P2RX6: variants seen among roughly 807,000 people sequenced by gnomAD.
P2RX6 encodes purinergic receptor P2X 6, also known as P2X purinoceptor 6.
A neutral mutation model predicts 54.2 loss-of-function variants in P2RX6; 62 were observed. That is an observed-to-expected ratio of 1.14 (90% CI 0.93 to 1.41). The LOEUF (loss-of-function observed/expected upper bound fraction) is 1.41. Ranked by LOEUF, P2RX6 falls within the 40% of genes most tolerant of loss-of-function variation. The pLI is 0.00. For synonymous variants in P2RX6, 211 were observed against 231.9 expected (o/e 0.91, Z 0.82); for missense variants, 541 against 566.3 (o/e 0.96, Z 0.45).
At chr22:21,016,182 G>A in intron 2 of P2RX6, 90 bp downstream of exon 2, 2 of 1,327,978 alleles carry the variant, frequency 1.5e-6, no homozygotes, top group African/African-American at 1.5e-5. Flanking sequence ...GTGCGAGAGA[G>A]AAGCATGTGA....
At position 21,023,506 on chromosome 22, in the gene P2RX6, C is replaced by G; in HGVS notation, c.781-3C>G. ...CGGTGGAAAAGCTATGTGCTATGTG[C>G]AGGGTGGCTCTGTAGGCATCAGAGT... is the stretch of plus-strand genomic sequence containing the variant. On this transcript the variant is annotated splice_polypyrimidine_tract_variant and splice_region_variant and intron_variant, in intron 7 of 11. Coordinates refer to ENST00000413302, the MANE Select transcript of P2RX6 (RefSeq NM_005446.5). 1.2e-6 allele frequency: 2 copies of G among 1,613,596 alleles called. No individual in the cohort carries two copies. Among genetic ancestry groups the G allele is most frequent in the Non-Finnish European group, 1.7e-6 (2 of 1,179,596 alleles).
rs954767449 is a variant in P2RX6 at position 21,027,265 on chromosome 22, T to A, written c.*648T>A. ...GTGTCTTGGGCCCACACCTGCTTAG[T>A]TTATGAGGACCGGCTGCTTTCCAGT... is the stretch of plus-strand genomic sequence containing the variant. On this transcript the variant is annotated 3_prime_UTR_variant, in exon 12 of 12. Coordinates refer to ENST00000413302, the MANE Select transcript of P2RX6 (RefSeq NM_005446.5). 1 of 152,770 alleles carries A rather than the reference T, an allele frequency of 6.5e-6. No homozygotes were observed. Among genetic ancestry groups the A allele is most frequent in the African/African-American group, 2.4e-5 (1 of 41,434 alleles). 9.5% of individuals were successfully genotyped at this position (152,770 alleles called of 1,614,324 possible). A position where few individuals can be genotyped will look rare whatever the true frequency, so the allele number is the denominator to read the frequency against.
chr22:21,022,708 C>T lies in P2RX6; in HGVS notation c.420C>T (p.Val140=), dbSNP rs572865965. The T allele has an allele frequency of 1.9e-4, 304 of 1,576,618 alleles. No individual in the cohort carries two copies. Among genetic ancestry groups the T allele is most frequent in the Non-Finnish European group, 2.4e-4 (275 of 1,162,684 alleles). Residue 140 remains valine (V), a synonymous_variant, in exon 4 of 12, where the codon GTC becomes GTT. Transcript: ENST00000413302. Reference sequence around the variant, plus strand: ...CCGTCCCACTGGCTAACTGCTGGGTCGACGAGGACTGCCCCGAAGGGGAGG... The same window carrying T: ...CCGTCCCACTGGCTAACTGCTGGGTTGACGAGGACTGCCCCGAAGGGGAGG... ...HPSVPLANCW[V]DEDCPEGEGG... is the part of the protein sequence containing the mutation.
chr22:21,022,543 G>A, intron 3 of P2RX6, 133 bp from the exon 4 acceptor site: 1 of 596,566 alleles, frequency 1.7e-6, no homozygotes. Flanking sequence ...TACTCTGGCG[G>A]CGGGGTGGTG....
At chr22:21,021,315 C>T (rs1296272642) in intron 3 of P2RX6, among the ~76,000 whole-genome samples, 3 of 152,070 alleles carry the variant, frequency 2.0e-5, no homozygotes, top group African/African-American at 4.8e-5. Flanking sequence ...GAGAGCCACA[C>T]GTGGGCTCAG....
chr22:21,011,906 C>G (rs893826794), upstream of P2RX6, among the ~76,000 whole-genome samples: 1 of 152,170 alleles, frequency 6.6e-6, no homozygotes, highest in Non-Finnish European at 1.5e-5. Flanking sequence ...TATCACCACC[C>G]ACTTCAGAAG....
At position 21,024,491 on chromosome 22, in the gene P2RX6, T is replaced by C. The variant is rs140431668; in HGVS notation, c.890+873T>C. On this transcript the variant is annotated intron_variant, in intron 8 of 11. Coordinates refer to ENST00000413302, the MANE Select transcript of P2RX6 (RefSeq NM_005446.5). ...CAGGGTTTCACCATGTTGGCCAGGATGGTCTCGATCTCTTGACCTCGTGAT... is the reference window on the plus strand; with the variant it reads ...CAGGGTTTCACCATGTTGGCCAGGACGGTCTCGATCTCTTGACCTCGTGAT... Among the ~76,000 whole-genome samples, 1,272 of 152,144 alleles carry C rather than the reference T, an allele frequency of 8.4e-3. 15 individuals are homozygous for C. The highest frequency in any genetic ancestry group is 0.029 in the African/African-American group (1,189 of 41,498).
chr22:21,024,790 C>T (rs574891125), intron 8 of P2RX6, among the ~76,000 whole-genome samples: 50 of 150,778 alleles, frequency 3.3e-4, no homozygotes, highest in African/African-American at 1.0e-3. Context: ...AGGCTGGTCT[C>T]GAACTTCTGA....
Position 21,026,434 on chromosome 22 carries a change from A to C in P2RX6, c.1143A>C (p.Lys381Asn), listed in dbSNP as rs1928473857. The C allele has an allele frequency of 6.2e-7, 1 of 1,601,672 alleles. No homozygotes were observed. Among genetic ancestry groups the C allele is most frequent in the Non-Finnish European group, 8.5e-7 (1 of 1,174,628 alleles). ...RTKYEEAKAP[K>N]ATANSVWREL... is the part of the protein sequence containing the mutation. ...CTCATCTGCAGGCCAAGGCCCCGAA[A>C]GCAACCGCCAACTCTGTGTGGAGGG... The change falls in exon 12 of 12, where the codon AAA becomes AAC. Residue 381 changes from lysine to asparagine, a missense_variant. Lys to Asn is a moderately conservative substitution (Grantham distance 94, BLOSUM62 0). Coordinates refer to ENST00000413302, the MANE Select transcript of P2RX6 (RefSeq NM_005446.5). This position sits in a 1 kb window ranked among gnomAD's most constrained non-coding sequence, Gnocchi z 4.0.
chr22:21,026,706 G>C lies in P2RX6; in HGVS notation c.*89G>C. 6.7e-7 allele frequency: 1 copy of C among 1,489,520 alleles called. No individual in the cohort carries two copies. 92.3% of individuals were successfully genotyped at this position (1,489,520 alleles called of 1,614,324 possible). A position where few individuals can be genotyped will look rare whatever the true frequency, so the allele number is the denominator to read the frequency against. On this transcript the variant is annotated 3_prime_UTR_variant, in exon 12 of 12. Coordinates refer to ENST00000413302, the MANE Select transcript of P2RX6 (RefSeq NM_005446.5). The surrounding 1 kb of genome is among the most constrained non-coding windows in gnomAD (Gnocchi z 4.0). ...GATGAGGCCCCAGCATGGAGGATTG[G>C]GGGTAGAATTCCACCCTTGAACCCC...
Position 21,023,395 on chromosome 22 carries a change from C to T in P2RX6, c.759C>T (p.Thr253=), listed in dbSNP as rs754052331. ...IGDLVAKAGG[T]FEDLALLGGS... ...ACCTCGTGGCCAAGGCTGGAGGGAC[C>T]TTCGAGGACCTGGCGTTGCTGGTGG... Residue 253 remains threonine (T), a synonymous_variant, in exon 7 of 12, where the codon ACC becomes ACT. Transcript: ENST00000413302. 9 of 1,613,922 alleles carry T rather than the reference C, an allele frequency of 5.6e-6. No individual in the cohort carries two copies. Among genetic ancestry groups the T allele is most frequent in the Non-Finnish European group, 7.6e-6 (9 of 1,179,906 alleles).
chr22:21,012,884 G>A (rs929857154), upstream of P2RX6, among the ~76,000 whole-genome samples: 1 of 151,620 alleles, frequency 6.6e-6, no homozygotes, highest in African/African-American at 2.4e-5. Context: ...ATCTGTCATA[G>A]CATCAATCCC....
chr22:21,021,196 C>T (rs1006139137), intron 3 of P2RX6, among the ~76,000 whole-genome samples: 2 of 152,084 alleles, frequency 1.3e-5, no homozygotes, highest in South Asian at 2.1e-4. Context: ...AGGCTGGTCT[C>T]GAACTCCTGA....
upstream of P2RX6, chr22:21,013,314 CA>C (rs1925873408): frequency 6.5e-6 from 1 of 152,816 alleles, no homozygotes; most frequent in Admixed American, 6.5e-5. Context: ...TCCTTAGGAC[CA>C]CTGCCCGCAT....
intron 9 of P2RX6, 27 bp downstream of exon 9, chr22:21,025,925 G>C: frequency 6.3e-7 from 1 of 1,580,228 alleles, no homozygotes; most frequent in South Asian, 1.2e-5. Flanking sequence ...GTCAGGCCGG[G>C]GATGGGATGG....
chr22:21,020,007 A>G (rs1335139276), intron 3 of P2RX6, among the ~76,000 whole-genome samples: 1 of 152,130 alleles, frequency 6.6e-6, no homozygotes, highest in African/African-American at 2.4e-5. Context: ...GCTATCACAA[A>G]CATGTCACAG....
chr22:21,025,628 C>T (rs1429308663), intron 8 of P2RX6, among the ~76,000 whole-genome samples, 177 bp from the exon 9 acceptor site: 1 of 152,194 alleles, frequency 6.6e-6, no homozygotes, highest in Non-Finnish European at 1.5e-5. Context: ...TTCTGAGGGA[C>T]AGGTCTTCGT....
chr22:21,016,156 G>A lies in P2RX6; in HGVS notation c.315+64G>A, dbSNP rs1228096710. 1.6e-5 allele frequency: 24 copies of A among 1,467,640 alleles called. No individual in the cohort carries two copies. In the East Asian group the frequency reaches 4.7e-4, roughly 29 times the overall value. 90.9% of individuals were successfully genotyped at this position (1,467,640 alleles called of 1,614,324 possible). A position where few individuals can be genotyped will look rare whatever the true frequency, so the allele number is the denominator to read the frequency against. On this transcript the variant is annotated intron_variant, in intron 2 of 11. Coordinates refer to ENST00000413302, the MANE Select transcript of P2RX6 (RefSeq NM_005446.5). ...TTCCCCACTGACAGCCTGAACACCCGCCATGCAGCCAGTGTGTGCGAGAGA... is the reference window on the plus strand; with the variant it reads ...TTCCCCACTGACAGCCTGAACACCCACCATGCAGCCAGTGTGTGCGAGAGA...
Position 21,018,024 on chromosome 22 carries a change from T to A in P2RX6, c.351T>A (p.Leu117=). The A allele has an allele frequency of 6.2e-7, 1 of 1,613,270 alleles. No homozygotes were observed. Among genetic ancestry groups the A allele is most frequent in the African/African-American group, 1.3e-5 (1 of 75,026 alleles). The change falls in exon 3 of 12, where the codon CTT becomes CTA. Residue 117 remains leucine (L), a synonymous_variant. Coordinates refer to ENST00000413302, the MANE Select transcript of P2RX6 (RefSeq NM_005446.5). ...ENVFFLVTNF[L]VTPAQVQGRC... ...TGTTCTTCTTGGTGACCAACTTCCT[T>A]GTGACGCCAGCCCAAGTTCAGGGCA...
Sources: allele counts gnomAD v4.1 joint callset (sites outside exome capture counted in the v4.1 genomes callset), GRCh38; gene constraint gnomAD v4.1.1; non-coding constraint Gnocchi (gnomAD v3.1); transcripts MANE v1.5; gene names NCBI Gene and HGNC (gene_info 2026-07-23, HGNC 2026-07-21).